Variants in CSMD1 observed in about 807,000 individuals in gnomAD.
The protein encoded by CSMD1 is CUB and Sushi multiple domains 1.
Under a neutral mutation model 417.5 loss-of-function variants are expected in CSMD1, and 213 were observed. The observed-to-expected ratio is 0.51, with a 90% CI of 0.46 to 0.57. CSMD1 has a LOEUF of 0.57. Ranked by LOEUF, CSMD1 falls within the 20% of genes least tolerant of loss-of-function variation. The pLI, the probability that CSMD1 is intolerant of heterozygous loss-of-function variation, is 0.00. For missense variants in CSMD1, 6,923 were observed against 4,529.7 expected (o/e 1.53, Z -15.17); for synonymous variants, 2,862 against 1,736.8 (o/e 1.65, Z -16.11).
intron 1 of CSMD1, among the ~76,000 whole-genome samples, chr8:4,764,317 C>G (rs79779049): frequency 1.1e-4 from 17 of 152,010 alleles, no homozygotes; most frequent in African/African-American, 3.6e-4. Flanking sequence ...TATAGTAGAG[C>G]AAAATGTATA....
rs551773199 is a variant in CSMD1, at chr8:4,153,167, G to C, written c.416-121068C>G. Among the ~76,000 whole-genome samples, 4 of 152,270 alleles carry C rather than the reference G, an allele frequency of 2.6e-5. No homozygotes were observed. The East Asian group carries it at 7.7e-4, about 29-fold the overall frequency. ...ATCTTGACTGTGGTGACCATGCCAG[G>C]AATAAGATAAGCAGAGCCCAGTTCC... On this transcript the variant is annotated intron_variant, in intron 3 of 69. Coordinates refer to ENST00000635120, the MANE Select transcript of CSMD1 (RefSeq NM_033225.6).
At chr8:3,624,227 T>C (rs1018873041) in intron 7 of CSMD1, among the ~76,000 whole-genome samples, 30 of 152,222 alleles carry the variant, frequency 2.0e-4, no homozygotes, top group African/African-American at 7.2e-4. Context: ...GGAAGCCATA[T>C]GGTTTCAACC....
intron 3 of CSMD1, among the ~76,000 whole-genome samples, chr8:4,389,681 G>C (rs1033916280): frequency 1.3e-5 from 2 of 151,904 alleles, no homozygotes; most frequent in Non-Finnish European, 2.9e-5. Context: ...TTTTAATTTG[G>C]GGTAAACACA....
intron 1 of CSMD1, among the ~76,000 whole-genome samples, chr8:4,732,405 C>G (rs962103416): frequency 6.7e-6 from 1 of 150,086 alleles, no homozygotes; most frequent in Non-Finnish European, 1.5e-5. Flanking sequence ...CTGAGATTCT[C>G]ACTCTGGACA....
At chr8:3,822,787 G>C (rs1352962006) in intron 5 of CSMD1, among the ~76,000 whole-genome samples, 2 of 152,164 alleles carry the variant, frequency 1.3e-5, no homozygotes, top group Admixed American at 6.6e-5. Context: ...AGGATGGATA[G>C]TTGATTTGTG....
chr8:4,042,424 C>A (rs150377752), intron 3 of CSMD1, among the ~76,000 whole-genome samples: 4 of 152,124 alleles, frequency 2.6e-5, no homozygotes, highest in African/African-American at 9.6e-5. Flanking sequence ...GCAAAACAAC[C>A]ATCAATCTAA....
At chr8:4,898,003 C>T (rs898725461) in intron 1 of CSMD1, among the ~76,000 whole-genome samples, 1 of 151,876 alleles carries the variant, frequency 6.6e-6, no homozygotes, top group Non-Finnish European at 1.5e-5. Context: ...TAGCTCTGTA[C>T]TGGAAAAACA....
intron 68 of CSMD1, among the ~76,000 whole-genome samples, chr8:2,948,265 G>A (rs149532223): frequency 3.3e-4 from 50 of 152,020 alleles, no homozygotes; most frequent in African/African-American, 1.1e-3. Flanking sequence ...TCTCAATCTC[G>A]TAACAACCTT....
chr8:3,539,564 G>C (rs1318921779), intron 10 of CSMD1, among the ~76,000 whole-genome samples: 1 of 152,200 alleles, frequency 6.6e-6, no homozygotes, highest in Non-Finnish European at 1.5e-5. Context: ...GCGTGATTCA[G>C]AAGTTGTAAC....
At chr8:4,730,214 A>T (rs1052468779) in intron 1 of CSMD1, among the ~76,000 whole-genome samples, 2 of 150,644 alleles carry the variant, frequency 1.3e-5, no homozygotes, top group Non-Finnish European at 3.0e-5. Flanking sequence ...AGAAGAAAAC[A>T]AAACAAAACA....
At chr8:3,786,294 C>A (rs1361064805) in intron 5 of CSMD1, among the ~76,000 whole-genome samples, 3 of 151,988 alleles carry the variant, frequency 2.0e-5, no homozygotes, top group Non-Finnish European at 4.4e-5. Context: ...TAGAAGAGAC[C>A]TGAGGGTGGA....
intron 2 of CSMD1, among the ~76,000 whole-genome samples, chr8:4,538,147 G>T (rs1196972305): frequency 6.6e-6 from 1 of 151,414 alleles, no homozygotes; most frequent in Non-Finnish European, 1.5e-5. Flanking sequence ...ATTTGGCACA[G>T]GTATACCATG....
intron 41 of CSMD1, among the ~76,000 whole-genome samples, chr8:3,138,032 C>G (rs772124059): frequency 6.6e-6 from 1 of 152,186 alleles, no homozygotes; most frequent in Admixed American, 6.6e-5. Context: ...CGAGACCAAC[C>G]TGGCCAACAT....
At chr8:3,997,052 T>C (rs182353550) in intron 5 of CSMD1, among the ~76,000 whole-genome samples, 1 of 152,206 alleles carries the variant, frequency 6.6e-6, no homozygotes, top group Admixed American at 6.5e-5. Flanking sequence ...TGTGTCTACC[T>C]GAGTTTCAAC....
At chr8:4,345,817 G>A (rs947212178) in intron 3 of CSMD1, among the ~76,000 whole-genome samples, 1 of 152,040 alleles carries the variant, frequency 6.6e-6, no homozygotes, top group African/African-American at 2.4e-5. Flanking sequence ...CCTTCACAGG[G>A]AGGTCATCCC....
At chr8:4,020,563 G>A (rs912532857) in intron 4 of CSMD1, among the ~76,000 whole-genome samples, 1 of 152,166 alleles carries the variant, frequency 6.6e-6, no homozygotes, top group Non-Finnish European at 1.5e-5. Flanking sequence ...TAACCAAGAT[G>A]GAGAAGTCTG....
intron 5 of CSMD1, among the ~76,000 whole-genome samples, chr8:3,758,121 A>T (rs1797769580): frequency 6.6e-6 from 1 of 151,816 alleles, no homozygotes; most frequent in Non-Finnish European, 1.5e-5. Flanking sequence ...CGGCCACCAC[A>T]CCTGGCTAAT....
At chr8:4,494,927 G>T (rs868506063) in intron 2 of CSMD1, among the ~76,000 whole-genome samples, 3 of 151,964 alleles carry the variant, frequency 2.0e-5, no homozygotes, top group Non-Finnish European at 4.4e-5. Context: ...GAAAAAATAC[G>T]CAGTGATATA....
intron 2 of CSMD1, among the ~76,000 whole-genome samples, chr8:4,497,525 T>C (rs898927303): frequency 1.3e-5 from 2 of 152,336 alleles, no homozygotes; most frequent in East Asian, 3.9e-4. Flanking sequence ...CAGCTTGTTC[T>C]GTATATAGTA....
Sources: allele counts gnomAD v4.1 joint callset (sites outside exome capture counted in the v4.1 genomes callset), GRCh38; gene constraint gnomAD v4.1.1; transcripts MANE v1.5; gene names NCBI Gene and HGNC (gene_info 2026-07-23, HGNC 2026-07-21).